The following NRXN1 variants were observed in gnomAD, a reference collection of about 807,000 sequenced individuals.
NRXN1 encodes neurexin-1.
A neutral mutation model predicts 150.9 loss-of-function variants in NRXN1; 39 were observed. The ratio of observed to expected loss-of-function variants is 0.26; its 90% CI spans 0.20 to 0.34. The LOEUF (loss-of-function observed/expected upper bound fraction) is 0.34. NRXN1 is among the 10% of genes least tolerant of loss of function. The pLI, the probability that NRXN1 is intolerant of heterozygous loss-of-function variation, is 1.00. For synonymous variants in NRXN1, 924 were observed against 757.0 expected (o/e 1.22, Z -3.62); for missense variants, 1,815 against 1,949.9 (o/e 0.93, Z 1.30).
At chr2:50,196,773 T>C (rs574833200) in intron 18 of NRXN1, among the ~76,000 whole-genome samples, 26 of 152,280 alleles carry the variant, frequency 1.7e-4, no homozygotes, top group African/African-American at 6.0e-4. Context: ...TGGATGGAGC[T>C]AGAGGCCATT....
At chr2:50,557,862 A>G (rs1458956357) in intron 8 of NRXN1, among the ~76,000 whole-genome samples, 1 of 152,258 alleles carries the variant, frequency 6.6e-6, no homozygotes, top group Middle Eastern at 3.2e-3. Context: ...TGCTGAGACC[A>G]GCAGGATCAA....
intron 17 of NRXN1, among the ~76,000 whole-genome samples, chr2:50,398,943 A>G (rs1467927374): frequency 1.3e-5 from 2 of 152,178 alleles, no homozygotes; most frequent in African/African-American, 4.8e-5. Flanking sequence ...ATACAAGCAT[A>G]TACATGAAAG....
intron 12 of NRXN1, among the ~76,000 whole-genome samples, chr2:50,513,451 G>A (rs529076188): frequency 6.6e-6 from 1 of 152,196 alleles, no homozygotes; most frequent in South Asian, 2.1e-4. Context: ...AGATTTCACA[G>A]TATTTGTGTT....
chr2:50,666,907 G>A (rs868287760), intron 5 of NRXN1, among the ~76,000 whole-genome samples: 5 of 150,452 alleles, frequency 3.3e-5, no homozygotes, highest in African/African-American at 1.2e-4. Context: ...GTGTGTGTGT[G>A]GTGAAGCTCA....
chr2:50,641,987 T>A (rs1684148663), intron 5 of NRXN1, among the ~76,000 whole-genome samples: 1 of 152,128 alleles, frequency 6.6e-6, no homozygotes, highest in African/African-American at 2.4e-5. Flanking sequence ...GAGATTTCCC[T>A]GAATCAACAT....
chr2:50,459,235 T>C (rs4563262), intron 17 of NRXN1, among the ~76,000 whole-genome samples: 34,394 of 152,084 alleles, frequency 0.23, 6,983 homozygotes, highest in East Asian at 0.52. Context: ...GATAATTTGA[T>C]TTCATAAAGT....
chr2:50,033,461 T>C (rs1456959545), intron 21 of NRXN1, among the ~76,000 whole-genome samples: 1 of 152,032 alleles, frequency 6.6e-6, no homozygotes, highest in East Asian at 1.9e-4. Flanking sequence ...CCTCACACCA[T>C]ATACAAAAAT....
chr2:50,639,815 C>T (rs1412622718), intron 5 of NRXN1, among the ~76,000 whole-genome samples: 1 of 152,014 alleles, frequency 6.6e-6, no homozygotes, highest in Non-Finnish European at 1.5e-5. Flanking sequence ...TTATGTTAGC[C>T]TCTCAACATC....
At chr2:50,585,889 AGAGGGGTCACT>A (rs1288309549) in intron 8 of NRXN1, among the ~76,000 whole-genome samples, 5 of 152,180 alleles carry the variant, frequency 3.3e-5, no homozygotes, top group Non-Finnish European at 7.4e-5. Flanking sequence ...CAGCCTCCTA[AGAGGGGTCACT>A]GAGTTACATT....
intron 5 of NRXN1, among the ~76,000 whole-genome samples, chr2:50,774,734 C>T (rs1703400904): frequency 6.6e-6 from 1 of 152,062 alleles, no homozygotes; most frequent in Admixed American, 6.6e-5. Flanking sequence ...GACTCAAGTT[C>T]TAGTTCCTTT....
chr2:50,176,551 G>A (rs983752761), intron 18 of NRXN1, among the ~76,000 whole-genome samples: 3 of 151,990 alleles, frequency 2.0e-5, no homozygotes, highest in African/African-American at 7.2e-5. Flanking sequence ...TACCCTGGGA[G>A]CAACATAATT....
At chr2:50,825,571 T>C (rs1670334049) in intron 5 of NRXN1, among the ~76,000 whole-genome samples, 1 of 152,016 alleles carries the variant, frequency 6.6e-6, no homozygotes, top group Non-Finnish European at 1.5e-5. Flanking sequence ...CCAGAGAGAG[T>C]ATGGCAGCTC....
chr2:50,714,120 T>C (rs1037413734), intron 5 of NRXN1, among the ~76,000 whole-genome samples: 1 of 152,198 alleles, frequency 6.6e-6, no homozygotes, highest in African/African-American at 2.4e-5. Flanking sequence ...AAGAATAGTG[T>C]GAACTGACGT....
chr2:50,518,047 T>C (rs1352080748), intron 12 of NRXN1, among the ~76,000 whole-genome samples: 2 of 152,136 alleles, frequency 1.3e-5, no homozygotes, highest in Non-Finnish European at 2.9e-5. Flanking sequence ...AGTTTTGTCA[T>C]TGATTGTACC....
intron 18 of NRXN1, among the ~76,000 whole-genome samples, chr2:50,128,712 T>C (rs1704984117): frequency 6.6e-6 from 1 of 152,110 alleles, no homozygotes. Flanking sequence ...GGGGATGCGG[T>C]GGCTCAAGCC....
chr2:50,457,813 A>C (rs2104583312), intron 17 of NRXN1, among the ~76,000 whole-genome samples: 1 of 152,260 alleles, frequency 6.6e-6, no homozygotes, highest in Non-Finnish European at 1.5e-5. Context: ...TATGGCTATT[A>C]TAAAAAAGAC....
chr2:50,957,551 C>A (rs1692469380), intron 2 of NRXN1, among the ~76,000 whole-genome samples: 1 of 151,998 alleles, frequency 6.6e-6, no homozygotes, highest in Non-Finnish European at 1.5e-5. Flanking sequence ...CTGACAAATC[C>A]TTAAAGAAAT....
intron 18 of NRXN1, among the ~76,000 whole-genome samples, chr2:50,101,866 T>C (rs1214932488): frequency 6.6e-6 from 1 of 151,992 alleles, no homozygotes; most frequent in Non-Finnish European, 1.5e-5. Flanking sequence ...TGATGCTATG[T>C]TAGTTTTCAC....
intron 17 of NRXN1, among the ~76,000 whole-genome samples, chr2:50,279,305 A>G (rs2071091754): frequency 6.6e-6 from 1 of 152,220 alleles, no homozygotes; most frequent in Admixed American, 6.5e-5. Context: ...AAAATAGATC[A>G]ATCTAAATAA....
Sources: gnomAD v4.1 joint callset for allele counts (sites outside exome capture counted in the v4.1 genomes callset) on GRCh38, gnomAD v4.1.1 for gene constraint, MANE v1.5 for transcripts, NCBI Gene and HGNC (gene_info 2026-07-23, HGNC 2026-07-21) for gene names.